Variants in AGBL2 observed in about 807,000 individuals in gnomAD.
AGBL2 encodes AGBL carboxypeptidase 2.
In AGBL2, 87 loss-of-function variants were observed where a neutral mutation model predicts 103.0. The observed-to-expected ratio is 0.84, with a 90% CI of 0.71 to 1.01. The LOEUF (loss-of-function observed/expected upper bound fraction) is 1.01. Among genes scored for constraint, AGBL2 ranks in the 50% least tolerant of loss-of-function variants. The pLI, the probability that AGBL2 is intolerant of heterozygous loss-of-function variation, is 0.00. For missense variants in AGBL2, 904 were observed against 1,023.5 expected, an observed-to-expected ratio of 0.88 and a Z score of 1.59; for synonymous variants, 335 against 356.7, an observed-to-expected ratio of 0.94 and a Z score of 0.69.
chr11:47,690,570 C>A lies in AGBL2; in HGVS notation c.1137G>T (p.Trp379Cys), dbSNP rs747113604. Residue 379 changes from tryptophan to cysteine, a missense_variant, in exon 10 of 19, where the codon TGG becomes TGT. Transcript: ENST00000525123. ...CCTGGTCATATGGAAACTGAATGGT[C>A]CACGTGAGACAGTAGAAGGGCTGCT... The part of the protein sequence containing the change: ...DGQQPFYCLT[W>C]TIQFPYDQDT... The A allele has an allele frequency of 1.2e-6, 2 of 1,613,978 alleles. No homozygotes were observed. Among genetic ancestry groups the A allele is most frequent in the Admixed American group, 1.7e-5 (1 of 59,972 alleles).
Position 47,690,279 on chromosome 11 carries a change from C to T in AGBL2, c.1428G>A (p.Leu476=). The T allele has an allele frequency of 6.2e-7, 1 of 1,613,232 alleles. No individual in the cohort carries two copies. The highest frequency in any genetic ancestry group is 8.5e-7 in the Non-Finnish European group (1 of 1,179,828). ...CTGGGGAGTTGCTAAGGATGAAGTC[C>T]AAAAAGCCTTTCATAACCCAGGAGC... The part of the protein sequence containing the change: ...SNGSWVMKGF[L]DFILSNSPDA... The change falls in exon 10 of 19, where the codon TTG becomes TTA. Residue 476 remains leucine, a synonymous_variant. Coordinates refer to ENST00000525123, the MANE Select transcript of AGBL2 (RefSeq NM_024783.4).
chr11:47,710,214 C>T, intron 4 of AGBL2, 163 bp downstream of exon 4: 1 of 832,424 alleles, frequency 1.2e-6, no homozygotes, highest in South Asian at 1.7e-5. Flanking sequence ...TGATTTAAAC[C>T]TGTAATCCAA....
chr11:47,682,287 G>T (rs2097404337), intron 11 of AGBL2, among the ~76,000 whole-genome samples, 192 bp from the exon 12 acceptor site: 1 of 151,172 alleles, frequency 6.6e-6, no homozygotes, highest in African/African-American at 2.4e-5. Context: ...GGTCATGTTA[G>T]TCAGGGAGAT....
intron 4 of AGBL2, among the ~76,000 whole-genome samples, chr11:47,709,090 C>A (rs2097529713): frequency 6.6e-6 from 1 of 152,186 alleles, no homozygotes; most frequent in African/African-American, 2.4e-5. Context: ...CTACTGTACT[C>A]CAGCCTGGGC....
intron 8 of AGBL2, among the ~76,000 whole-genome samples, chr11:47,696,013 AAAAAAAAAAAAAAAAAAAAAAAAG>A (rs1473679998): frequency 2.1e-3 from 55 of 25,946 alleles, no homozygotes; most frequent in Non-Finnish European, 3.3e-3. Flanking sequence ...AAAAATACAA[AAAAAAAAAAAAAAAAAAAAAAAAG>A]AAAAAAAAAA....
chr11:47,711,242 C>A (rs999526458), intron 3 of AGBL2, among the ~76,000 whole-genome samples: 1 of 152,120 alleles, frequency 6.6e-6, no homozygotes, highest in African/African-American at 2.4e-5. Flanking sequence ...TTTTAAGACC[C>A]CTTCCCTAGG....
chr11:47,675,214 T>A (rs1349037009), intron 14 of AGBL2, among the ~76,000 whole-genome samples: 2 of 139,836 alleles, frequency 1.4e-5, no homozygotes, highest in Non-Finnish European at 3.1e-5. Context: ...TTTTTTTTTT[T>A]TTTTTTTTTT....
Position 47,668,920 on chromosome 11 carries a change from GA to G in AGBL2, c.2148-14del. Reference sequence around the variant, plus strand: ...AGAGCCACTGGTGCTGTTTCCAAAAGAAAAAAAGAAGAGGAAATAACTGTCA... The same window carrying G: ...AGAGCCACTGGTGCTGTTTCCAAAAGAAAAAAGAAGAGGAAATAACTGTCA... On this transcript the variant is annotated splice_polypyrimidine_tract_variant and intron_variant, in intron 14 of 18. Transcript: ENST00000525123. 3 of 1,600,108 alleles carry G rather than the reference GA, an allele frequency of 1.9e-6. No homozygotes were observed. Among genetic ancestry groups the G allele is most frequent in the Non-Finnish European group, 2.6e-6 (3 of 1,169,602 alleles).
chr11:47,714,586 A>C (rs780316204), intron 2 of AGBL2, 32 bp downstream of exon 2: 42 of 1,611,946 alleles, frequency 2.6e-5, no homozygotes, highest in Non-Finnish European at 3.5e-5. Context: ...TCCCCGAAGA[A>C]ATTTCTGTGG....
intron 3 of AGBL2, among the ~76,000 whole-genome samples, chr11:47,712,412 TAAG>T (rs989723470): frequency 4.6e-5 from 7 of 152,342 alleles, no homozygotes; most frequent in African/African-American, 1.7e-4. Context: ...AATTAAATTT[TAAG>T]AAGATCAATA....
intron 14 of AGBL2, among the ~76,000 whole-genome samples, chr11:47,674,645 G>T (rs984001611): frequency 6.6e-6 from 1 of 151,890 alleles, no homozygotes; most frequent in African/African-American, 2.4e-5. Flanking sequence ...GCCATTGTAG[G>T]GTCTTTGGCT....
chr11:47,711,009 A>G (rs928392993), intron 3 of AGBL2: 13 of 360,546 alleles, frequency 3.6e-5, no homozygotes, highest in Admixed American at 7.7e-5. Context: ...CCAACCCTCA[A>G]TAACATGCAG....
At chr11:47,712,572 G>C in intron 3 of AGBL2, among the ~76,000 whole-genome samples, 1 of 152,180 alleles carries the variant, frequency 6.6e-6, no homozygotes, top group East Asian at 1.9e-4. Flanking sequence ...TGTGAAATTT[G>C]ATCTACAGAT....
chr11:47,666,178 G>C (rs550231260), intron 17 of AGBL2, among the ~76,000 whole-genome samples: 18 of 151,938 alleles, frequency 1.2e-4, no homozygotes, highest in Non-Finnish European at 2.2e-4. Flanking sequence ...TGGATTACTT[G>C]AGTTTAGCAG....
intron 13 of AGBL2, among the ~76,000 whole-genome samples, chr11:47,678,305 A>ATTTTTTTTTTTTTTT: frequency 7.9e-6 from 1 of 126,288 alleles, no homozygotes; most frequent in South Asian, 3.4e-4. Flanking sequence ...ATTTTATTTT[A>ATTTTTTTTTTTTTTT]TTTTATTTTA....
At chr11:47,710,617 A>G (rs746796947) in intron 3 of AGBL2, 106 bp from the exon 4 acceptor site, 64 of 1,341,156 alleles carry the variant, frequency 4.8e-5, no homozygotes, top group Non-Finnish European at 6.1e-5. Flanking sequence ...CCACCACCAC[A>G]GCCCTTTGCA....
intron 10 of AGBL2, among the ~76,000 whole-genome samples, chr11:47,689,765 T>C (rs1299889263): frequency 1.3e-5 from 2 of 152,188 alleles, no homozygotes; most frequent in Non-Finnish European, 2.9e-5. Context: ...ATTATTATGA[T>C]ACAAGTCTCA....
chr11:47,710,587 A>T, intron 3 of AGBL2, 76 bp from the exon 4 acceptor site: 4 of 1,557,914 alleles, frequency 2.6e-6, no homozygotes, highest in Non-Finnish European at 3.5e-6. Flanking sequence ...ATACCAAACC[A>T]CTACTCCTTT....
Position 47,667,023 on chromosome 11 carries a change from G to A in AGBL2, c.2381C>T (p.Thr794Ile), listed in dbSNP as rs772688362. Reference sequence around the variant, plus strand: ...GGAATTCTCTGAGTTTTTGAAAAAGGTTGGCTGCTTTTGCAGAGTAGAAGC... The same window carrying A: ...GGAATTCTCTGAGTTTTTGAAAAAGATTGGCTGCTTTTGCAGAGTAGAAGC... ...GFASTLQKQP[T>I]FFKNSENSSF... The change falls in exon 17 of 19, where the codon ACC (threonine) becomes ATC (isoleucine). Residue 794 changes from threonine to isoleucine, a missense_variant. Coordinates refer to ENST00000525123, the MANE Select transcript of AGBL2 (RefSeq NM_024783.4). 5 of 1,613,110 alleles carry A rather than the reference G, an allele frequency of 3.1e-6. No individual in the cohort carries two copies. The African/African-American group carries it at 6.7e-5, about 22-fold the overall frequency.
Sources: allele counts gnomAD v4.1 joint callset (sites outside exome capture counted in the v4.1 genomes callset), GRCh38; gene constraint gnomAD v4.1.1; transcripts MANE v1.5; gene names NCBI Gene and HGNC (gene_info 2026-07-23, HGNC 2026-07-21).